CACNA2D3: variants seen among roughly 807,000 people sequenced by gnomAD.
The protein encoded by CACNA2D3 is voltage-dependent calcium channel subunit alpha-2/delta-3.
A neutral mutation model predicts 160.6 loss-of-function variants in CACNA2D3; 60 were observed. That is an observed-to-expected ratio of 0.37 (90% confidence interval 0.30 to 0.46). The LOEUF is 0.46. Among genes scored for constraint, CACNA2D3 ranks in the 20% least tolerant of loss-of-function variants. CACNA2D3 has a pLI of 1.00. For synonymous variants in CACNA2D3, 558 were observed against 492.9 expected (o/e 1.13, Z -1.75); for missense variants, 1,205 against 1,365.0 (o/e 0.88, Z 1.85).
chr3:54,386,772 C>G lies in CACNA2D3; in HGVS notation c.379C>G (p.Gln127Glu). 1 of 1,584,854 alleles carries G rather than the reference C, an allele frequency of 6.3e-7. No homozygotes were observed. Among genetic ancestry groups the G allele is most frequent in the Non-Finnish European group, 8.6e-7 (1 of 1,164,646 alleles). The stretch of plus-strand genomic sequence containing the variant: ...GAAACATGAATTTGATGCAGACTTA[C>G]AGGTAACTGATTATAGTTTGAGTTA... The part of the protein sequence containing the change: ...HLKHEFDADL[Q>E]YEYFNAVLIN... Residue 127 changes from glutamine (Q) to glutamate (E), a missense_variant and splice_region_variant, in exon 4 of 38, where the codon CAG (glutamine) becomes GAG (glutamate). Gln to Glu is a conservative substitution (Grantham distance 29, BLOSUM62 2). Around this residue, in one of 3 missense-constraint regions of CACNA2D3, gnomAD observed 163 missense variants for 161.3 expected, o/e 1.01. Transcript: ENST00000474759.
intron 17 of CACNA2D3, among the ~76,000 whole-genome samples, chr3:54,856,559 G>A (rs2106792515): frequency 1.3e-5 from 2 of 152,256 alleles, no homozygotes; most frequent in Middle Eastern, 6.8e-3. Context: ...AAGATCTAGT[G>A]ATAAAGCAGA....
rs574385338 is a variant in CACNA2D3, at chr3:54,981,327, GACAC to G, written c.2557-3275_2557-3272del. Among the ~76,000 whole-genome samples, 14 of 152,208 alleles carry G rather than the reference GACAC, an allele frequency of 9.2e-5. No homozygotes were observed. In the South Asian group the frequency reaches 2.9e-3, roughly 32 times the overall value. On this transcript the variant is annotated intron_variant, in intron 29 of 37. Transcript: ENST00000474759. ...CTTTTATGACAGAACAATACAGAAAGACACACACAGCACACCAGATTCACTACAG... is the reference window on the plus strand; with the variant it reads ...CTTTTATGACAGAACAATACAGAAAGACACAGCACACCAGATTCACTACAG...
At chr3:54,644,563 A>G (rs1476825830) in intron 11 of CACNA2D3, among the ~76,000 whole-genome samples, 1 of 152,240 alleles carries the variant, frequency 6.6e-6, no homozygotes, top group Non-Finnish European at 1.5e-5. Flanking sequence ...AATGTTAGCT[A>G]TTCAGTAGAG....
chr3:54,605,601 C>T (rs61096307), intron 9 of CACNA2D3, among the ~76,000 whole-genome samples: 7 of 152,048 alleles, frequency 4.6e-5, no homozygotes, highest in Non-Finnish European at 8.8e-5. Context: ...CTTATTGTTA[C>T]GCTATTTTAC....
intron 27 of CACNA2D3, among the ~76,000 whole-genome samples, chr3:54,923,402 TC>T (rs1700909824): frequency 6.6e-6 from 1 of 152,098 alleles, no homozygotes; most frequent in Non-Finnish European, 1.5e-5. Flanking sequence ...GGCTCATTCC[TC>T]CTCAGTCTTT....
chr3:54,420,032 C>G (rs192307209), intron 4 of CACNA2D3, among the ~76,000 whole-genome samples: 3 of 152,258 alleles, frequency 2.0e-5, no homozygotes, highest in East Asian at 1.9e-4. Flanking sequence ...TCCCAAAGTG[C>G]TGGGATTACA....
At chr3:54,443,937 T>C (rs957734826) in intron 4 of CACNA2D3, among the ~76,000 whole-genome samples, 5 of 152,192 alleles carry the variant, frequency 3.3e-5, no homozygotes, top group African/African-American at 9.7e-5. Context: ...TTATTTACTC[T>C]GATTCTCTTT....
intron 11 of CACNA2D3, among the ~76,000 whole-genome samples, chr3:54,696,685 C>T (rs1700672708): frequency 6.6e-6 from 1 of 152,164 alleles, no homozygotes; most frequent in South Asian, 2.1e-4. Context: ...ACTTAGCAAA[C>T]CCAGTTGTCC....
chr3:55,071,709 C>T (rs1704814442), intron 35 of CACNA2D3, among the ~76,000 whole-genome samples: 1 of 152,122 alleles, frequency 6.6e-6, no homozygotes, highest in South Asian at 2.1e-4. Flanking sequence ...TCAGTGGGCT[C>T]ACTCATTGAA....
chr3:54,400,387 A>T lies in CACNA2D3; in HGVS notation c.381+13613A>T, dbSNP rs577668797. On this transcript the variant is annotated intron_variant, in intron 4 of 37. Transcript: ENST00000474759. ...AAGCTCATGAAACCCTGAGCCCACG[A>T]CTCCTCTTCCATGGATATTCTGAGC... Among the ~76,000 whole-genome samples, 18 of 150,994 alleles carry T rather than the reference A, an allele frequency of 1.2e-4. No individual in the cohort carries two copies. The South Asian group carries it at 3.6e-3, about 30-fold the overall frequency.
At chr3:54,713,058 G>A (rs961796472) in intron 11 of CACNA2D3, among the ~76,000 whole-genome samples, 3 of 152,192 alleles carry the variant, frequency 2.0e-5, no homozygotes, top group Admixed American at 6.5e-5. Context: ...TAGGTGAGAA[G>A]ACTCCTGTAA....
chr3:54,673,373 T>C, intron 11 of CACNA2D3, among the ~76,000 whole-genome samples: 1 of 152,224 alleles, frequency 6.6e-6, no homozygotes. Flanking sequence ...ACCTTTAGTG[T>C]GCTTGAAAAT....
At chr3:54,293,876 G>T (rs866918252) in intron 2 of CACNA2D3, among the ~76,000 whole-genome samples, 2 of 152,088 alleles carry the variant, frequency 1.3e-5, no homozygotes, top group Non-Finnish European at 2.9e-5. Flanking sequence ...TGTGGTGGTG[G>T]TTACACAACT....
At chr3:54,635,336 C>A (rs911722786) in intron 10 of CACNA2D3, among the ~76,000 whole-genome samples, 2 of 151,932 alleles carry the variant, frequency 1.3e-5, no homozygotes, top group African/African-American at 4.8e-5. Context: ...TTATTTACTT[C>A]AAGAGTTAAG....
At chr3:54,713,058 GAC>G (rs1330407769) in intron 11 of CACNA2D3, among the ~76,000 whole-genome samples, 1 of 152,192 alleles carries the variant, frequency 6.6e-6, no homozygotes, top group East Asian at 1.9e-4. Context: ...TAGGTGAGAA[GAC>G]TCCTGTAATG....
At chr3:54,427,962 A>G (rs1699933260) in intron 4 of CACNA2D3, among the ~76,000 whole-genome samples, 2 of 152,192 alleles carry the variant, frequency 1.3e-5, no homozygotes, top group Non-Finnish European at 2.9e-5. Flanking sequence ...TGATTTCTCC[A>G]CTGCTAGATT....
chr3:54,290,920 G>T (rs886654316), intron 2 of CACNA2D3, among the ~76,000 whole-genome samples: 15 of 151,968 alleles, frequency 9.9e-5, no homozygotes, highest in African/African-American at 3.4e-4. Flanking sequence ...GGGGTAGCGG[G>T]GGGTGAGGGA....
At chr3:54,687,632 G>A (rs1212744638) in intron 11 of CACNA2D3, among the ~76,000 whole-genome samples, 8 of 152,272 alleles carry the variant, frequency 5.3e-5, no homozygotes, top group African/African-American at 1.7e-4. Flanking sequence ...TTTCAGTAAA[G>A]GATAATTGAA....
chr3:54,842,468 C>G (rs189570809), intron 16 of CACNA2D3, among the ~76,000 whole-genome samples: 226 of 152,302 alleles, frequency 1.5e-3, no homozygotes, highest in Non-Finnish European at 2.5e-3. Flanking sequence ...TGACCTTGTC[C>G]TAGGGACTGT....
Sources: allele counts gnomAD v4.1 joint callset (sites outside exome capture counted in the v4.1 genomes callset), GRCh38; gene constraint gnomAD v4.1.1; regional missense constraint gnomAD v4.1.1; transcripts MANE v1.5; gene names NCBI Gene and HGNC (gene_info 2026-07-23, HGNC 2026-07-21).